Variants in RORA observed in about 807,000 individuals in gnomAD.
The protein encoded by RORA is nuclear receptor ROR-alpha.
In RORA, 7 loss-of-function variants were observed where a neutral mutation model predicts 69.5. That is an observed-to-expected ratio of 0.10 (90% CI 0.06 to 0.19). The LOEUF (loss-of-function observed/expected upper bound fraction) is 0.19, where lower values mean the gene tolerates loss of function less well. Among genes scored for constraint, RORA ranks in the 10% least tolerant of loss-of-function variants. RORA has a pLI of 1.00. For missense variants in RORA, 457 were observed against 663.0 expected (o/e 0.69, Z 3.41); for synonymous variants, 261 against 240.8 (o/e 1.08, Z -0.78).
At position 61,213,628 on chromosome 15, in the gene RORA, C is replaced by T. The variant is rs575639344; in HGVS notation, c.166+15425G>A. Among the ~76,000 whole-genome samples the T allele has an allele frequency of 4.6e-5, 7 of 152,200 alleles. No homozygotes were observed. The highest frequency in any genetic ancestry group is 1.9e-4 in the East Asian group (1 of 5,172). On this transcript the variant is annotated intron_variant, in intron 1 of 10. Transcript: ENST00000335670. The surrounding 1 kb of genome is among the most constrained non-coding windows in gnomAD (Gnocchi z 4.1). ...AGAATCTCCTCATTTTTCTAAAACCCGGGCAGGCATAACCACCTCAGTGAG... is the reference window on the plus strand; with the variant it reads ...AGAATCTCCTCATTTTTCTAAAACCTGGGCAGGCATAACCACCTCAGTGAG...
intron 1 of RORA, among the ~76,000 whole-genome samples, chr15:60,719,609 C>T (rs868018050): frequency 2.6e-5 from 4 of 152,178 alleles, no homozygotes; most frequent in South Asian, 4.1e-4. Flanking sequence ...GCACAAGCAG[C>T]TGTCATAAAC....
chr15:60,506,902 G>A (rs1340362866), intron 5 of RORA, among the ~76,000 whole-genome samples: 2 of 151,846 alleles, frequency 1.3e-5, no homozygotes, highest in Non-Finnish European at 2.9e-5. Context: ...CAGGAGAATC[G>A]CTTGAACCTG....
At chr15:61,190,304 C>T (rs1229280864) in intron 1 of RORA, among the ~76,000 whole-genome samples, 3 of 152,092 alleles carry the variant, frequency 2.0e-5, no homozygotes, top group African/African-American at 7.2e-5. Flanking sequence ...AAAAGGGACA[C>T]CAATAAGTTC....
chr15:60,595,475 A>G (rs1287414881), intron 2 of RORA, among the ~76,000 whole-genome samples: 1 of 152,070 alleles, frequency 6.6e-6, no homozygotes, highest in Admixed American at 6.6e-5. Context: ...AGATCACACC[A>G]CTGCACTCCA....
intron 2 of RORA, among the ~76,000 whole-genome samples, chr15:60,623,459 A>G (rs1352036015): frequency 6.6e-6 from 1 of 152,256 alleles, no homozygotes; most frequent in Non-Finnish European, 1.5e-5. Context: ...CAGGGCTGAT[A>G]TACCCTAGGC....
intron 1 of RORA, among the ~76,000 whole-genome samples, chr15:60,915,798 T>C (rs934836049): frequency 6.6e-5 from 10 of 152,186 alleles, no homozygotes; most frequent in Non-Finnish European, 7.3e-5. Context: ...CCCAACAGGC[T>C]GTGGGGCCAA....
chr15:60,555,181 C>T (rs1283415120), intron 2 of RORA, among the ~76,000 whole-genome samples: 4 of 152,236 alleles, frequency 2.6e-5, no homozygotes, highest in South Asian at 2.1e-4. Context: ...GGGAGCACAC[C>T]AGGTGGCCAG....
chr15:60,668,660 G>C (rs538542063), intron 2 of RORA, among the ~76,000 whole-genome samples: 2 of 152,214 alleles, frequency 1.3e-5, no homozygotes, highest in Admixed American at 1.3e-4. Context: ...CAATTATCCC[G>C]ACGCCCCAAC....
chr15:61,204,224 A>G (rs1409988712), intron 1 of RORA, among the ~76,000 whole-genome samples: 3 of 152,218 alleles, frequency 2.0e-5, no homozygotes, highest in Non-Finnish European at 4.4e-5. Flanking sequence ...ATGGGTGGGA[A>G]TTAGCAAGTG....
intron 1 of RORA, among the ~76,000 whole-genome samples, chr15:61,038,532 TGTCA>T (rs1197022110): frequency 3.3e-5 from 5 of 152,362 alleles, no homozygotes; most frequent in African/African-American, 1.2e-4. Flanking sequence ...TCAGTCATTA[TGTCA>T]GTCAGTCACA....
intron 1 of RORA, among the ~76,000 whole-genome samples, chr15:61,052,336 T>C (rs1013932535): frequency 2.0e-5 from 3 of 152,228 alleles, no homozygotes; most frequent in African/African-American, 7.2e-5. Context: ...AGAGGTCCAC[T>C]GGAAAGCTAG....
At chr15:60,666,204 GTAGTC>G (rs1368094514) in intron 2 of RORA, among the ~76,000 whole-genome samples, 21 of 144,032 alleles carry the variant, frequency 1.5e-4, no homozygotes, top group Non-Finnish European at 2.3e-4. Context: ...GTCTTGCTCT[GTAGTC>G]TAGTCTAGAG....
At chr15:60,515,368 A>C (rs2141341110) in intron 3 of RORA, among the ~76,000 whole-genome samples, 1 of 152,336 alleles carries the variant, frequency 6.6e-6, no homozygotes, top group South Asian at 2.1e-4. Context: ...GCAGTTTAGA[A>C]ATACCACATG....
intron 1 of RORA, among the ~76,000 whole-genome samples, chr15:60,886,466 G>A (rs1334888264): frequency 6.6e-6 from 1 of 152,102 alleles, no homozygotes; most frequent in Non-Finnish European, 1.5e-5. Flanking sequence ...CACATGAAAG[G>A]CCCGAATTCC....
chr15:60,980,352 A>ATACC (rs1337759144), intron 1 of RORA, among the ~76,000 whole-genome samples: 1 of 152,058 alleles, frequency 6.6e-6, no homozygotes, highest in Non-Finnish European at 1.5e-5. Flanking sequence ...CTTTCTTGGG[A>ATACC]TACCTTTTTC....
chr15:60,835,978 A>C (rs899933519), intron 1 of RORA, among the ~76,000 whole-genome samples: 10 of 152,244 alleles, frequency 6.6e-5, no homozygotes, highest in South Asian at 2.1e-4. Flanking sequence ...CAAGGCATAC[A>C]TGAATACCTA....
At chr15:61,022,760 G>A (rs982366074) in intron 1 of RORA, among the ~76,000 whole-genome samples, 4 of 152,136 alleles carry the variant, frequency 2.6e-5, no homozygotes, top group African/African-American at 4.8e-5. Context: ...TCTAAAACAC[G>A]TTTGTGGTTT....
At chr15:60,545,867 G>C (rs2067053098) in intron 2 of RORA, among the ~76,000 whole-genome samples, 1 of 152,192 alleles carries the variant, frequency 6.6e-6, no homozygotes, top group Admixed American at 6.5e-5. Context: ...GGGCAGGCGA[G>C]ATCTCAGGAA....
chr15:60,532,508 T>A (rs749999098), intron 2 of RORA, among the ~76,000 whole-genome samples: 2 of 152,206 alleles, frequency 1.3e-5, no homozygotes, highest in Non-Finnish European at 2.9e-5. Context: ...GGAAATTTAG[T>A]TCCTGGTACA....
Sources: allele counts gnomAD v4.1 joint callset (sites outside exome capture counted in the v4.1 genomes callset), GRCh38; gene constraint gnomAD v4.1.1; non-coding constraint Gnocchi (gnomAD v3.1); transcripts MANE v1.5; gene names NCBI Gene and HGNC (gene_info 2026-07-23, HGNC 2026-07-21).